The following PLEKHA2 variants were observed in gnomAD, a reference collection of about 807,000 sequenced individuals.
PLEKHA2 encodes the protein pleckstrin homology domain containing A2.
In PLEKHA2, 28 loss-of-function variants were observed where a neutral mutation model predicts 53.2. The ratio of observed to expected loss-of-function variants is 0.53; its 90% CI spans 0.39 to 0.72. The LOEUF (loss-of-function observed/expected upper bound fraction) is 0.72. Ranked by LOEUF, PLEKHA2 falls within the 30% of genes least tolerant of loss-of-function variation. The pLI is 0.00. For missense variants in PLEKHA2, 426 were observed against 537.9 expected, an observed-to-expected ratio of 0.79 and a Z score of 2.06; for synonymous variants, 193 against 196.4, an observed-to-expected ratio of 0.98 and a Z score of 0.14.
At chr8:38,902,890 G>A (rs960174686) in intron 1 of PLEKHA2, among the ~76,000 whole-genome samples, 1 of 152,186 alleles carries the variant, frequency 6.6e-6, no homozygotes, top group Admixed American at 6.5e-5. Flanking sequence ...TGAGAAGCCA[G>A]AGTAAGCTTT....
At chr8:38,914,899 G>A (rs760168960) in intron 1 of PLEKHA2, among the ~76,000 whole-genome samples, 8 of 152,046 alleles carry the variant, frequency 5.3e-5, no homozygotes, top group East Asian at 1.9e-4. Context: ...TAGTGCTCAC[G>A]GGCTGGGACT....
intron 2 of PLEKHA2, among the ~76,000 whole-genome samples, chr8:38,934,396 C>G (rs1834453740): frequency 6.6e-6 from 1 of 152,012 alleles, no homozygotes; most frequent in Admixed American, 6.6e-5. Flanking sequence ...CCTTTTATTG[C>G]TTTGAGAGGA....
intron 2 of PLEKHA2, among the ~76,000 whole-genome samples, chr8:38,918,311 CCA>C (rs1236794817): frequency 1.5e-5 from 2 of 134,760 alleles, no homozygotes; most frequent in South Asian, 2.4e-4. Context: ...TACACACACA[CCA>C]CACACACACT....
At chr8:38,961,276 G>T (rs1319550797) in intron 10 of PLEKHA2, among the ~76,000 whole-genome samples, 1 of 152,154 alleles carries the variant, frequency 6.6e-6, no homozygotes, top group African/African-American at 2.4e-5. Context: ...GGTGGCTCAC[G>T]CCTGCAATCC....
At position 38,973,896 on chromosome 8, in the gene PLEKHA2, C is replaced by A; in HGVS notation, c.*4113C>A. 1 of 289,068 alleles carries A rather than the reference C, an allele frequency of 3.5e-6. No homozygotes were observed. The highest frequency in any genetic ancestry group is 6.4e-6 in the Non-Finnish European group (1 of 155,436). The allele number at this position is 289,068 out of a possible 1,614,324, so 17.9% of individuals were successfully genotyped here. A position where few individuals can be genotyped will look rare whatever the true frequency, so the allele number is the denominator to read the frequency against. On this transcript the variant is annotated 3_prime_UTR_variant, in exon 12 of 12. Coordinates refer to ENST00000617275, the MANE Select transcript of PLEKHA2 (RefSeq NM_021623.2). The stretch of plus-strand genomic sequence containing the variant: ...TTTGTGGCTTGTTTTGTAATAAAAC[C>A]ATGTGAAATACTGAAATATGGTCAT...
intron 9 of PLEKHA2, among the ~76,000 whole-genome samples, chr8:38,956,699 G>A (rs1195870052): frequency 6.6e-6 from 1 of 152,054 alleles, no homozygotes; most frequent in Non-Finnish European, 1.5e-5. Context: ...AGCCATGATT[G>A]TACCACTGTA....
In PLEKHA2 at chr8:38,969,762, C is replaced by G. The variant is rs1274180021; in HGVS notation, c.1257C>G (p.Asn419Lys). 2 of 1,297,714 alleles carry G rather than the reference C, an allele frequency of 1.5e-6. No individual in the cohort carries two copies. Among genetic ancestry groups the G allele is most frequent in the East Asian group, 1.2e-4 (2 of 17,128 alleles). The allele number at this position is 1,297,714 out of a possible 1,614,324, so 80.4% of individuals were successfully genotyped here. Residue 419 changes from asparagine to lysine, a missense_variant, in exon 12 of 12, where the codon AAC becomes AAG. Asn to Lys is a moderately conservative substitution (Grantham distance 94). Coordinates refer to ENST00000617275, the MANE Select transcript of PLEKHA2 (RefSeq NM_021623.2). ...TTATGTTCAACCTTGATGATGAAAA[C>G]ATACGGACCTCTGATGTGTGATGGA... ...KPFMFNLDDE[N>K]IRTSDV
At chr8:38,938,338 C>T (rs756087647) in intron 3 of PLEKHA2, among the ~76,000 whole-genome samples, 29 of 152,214 alleles carry the variant, frequency 1.9e-4, no homozygotes, top group Non-Finnish European at 2.8e-4. Context: ...GGTCCAGAGA[C>T]CCCCATCCCA....
At position 38,928,913 on chromosome 8, in the gene PLEKHA2, C is replaced by G. The variant is rs114160296; in HGVS notation, c.142-7081C>G. On this transcript the variant is annotated intron_variant, in intron 2 of 11. Transcript: ENST00000617275. ...GCAGGTAGAGCCACGGCCCAGGTCA[C>G]CTGGTGCCTGGGATTCGCTTGGCTC... 5.3e-3 allele frequency among the ~76,000 whole-genome samples: 811 copies of G among 152,264 alleles called. 7 individuals carry two copies. Among genetic ancestry groups the G allele is most frequent in the African/African-American group, 0.019 (777 of 41,554 alleles).
At chr8:38,934,702 C>T (rs1834459894) in intron 2 of PLEKHA2, among the ~76,000 whole-genome samples, 1 of 152,152 alleles carries the variant, frequency 6.6e-6, no homozygotes, top group Admixed American at 6.6e-5. Context: ...AGTGCCAGAC[C>T]TGGTGCCTGT....
rs756189937 is a variant in PLEKHA2, at chr8:38,951,008, G to A, written c.486+18G>A. 1.2e-6 allele frequency: 2 copies of A among 1,610,824 alleles called. No homozygotes were observed. The highest frequency in any genetic ancestry group is 2.2e-5 in the South Asian group (2 of 90,618). On this transcript the variant is annotated intron_variant, in intron 6 of 11. Transcript: ENST00000617275. ...TCAGCCAGGTGAGGGGCCTGACTGGGGCTGCGGGGGGAGTGGGGGTGTGGA... is the reference window on the plus strand; with the variant it reads ...TCAGCCAGGTGAGGGGCCTGACTGGAGCTGCGGGGGGAGTGGGGGTGTGGA...
At chr8:38,905,294 C>CA (rs1240069912) in intron 1 of PLEKHA2, among the ~76,000 whole-genome samples, 1 of 151,838 alleles carries the variant, frequency 6.6e-6, no homozygotes, top group Non-Finnish European at 1.5e-5. Flanking sequence ...CCCATCTCTA[C>CA]AAAAAATTGA....
intron 2 of PLEKHA2, among the ~76,000 whole-genome samples, chr8:38,926,608 A>G (rs1325549644): frequency 6.6e-6 from 1 of 152,186 alleles, no homozygotes; most frequent in African/African-American, 2.4e-5. Flanking sequence ...TATCTTTATA[A>G]CAGGATGTAC....
intron 10 of PLEKHA2, among the ~76,000 whole-genome samples, chr8:38,964,356 C>T (rs918293588): frequency 6.6e-6 from 1 of 152,166 alleles, no homozygotes; most frequent in Non-Finnish European, 1.5e-5. Context: ...ACATTATCGC[C>T]TGAGTTCCAC....
At chr8:38,931,953 G>C (rs1451621338) in intron 2 of PLEKHA2, among the ~76,000 whole-genome samples, 1 of 152,088 alleles carries the variant, frequency 6.6e-6, no homozygotes, top group East Asian at 1.9e-4. Context: ...TTCTGGTGGG[G>C]GGAAGCTTGA....
At chr8:38,920,797 CT>C (rs76430009) in intron 2 of PLEKHA2, among the ~76,000 whole-genome samples, 227 of 145,266 alleles carry the variant, frequency 1.6e-3, no homozygotes, top group Admixed American at 3.3e-3. Flanking sequence ...CTCCTGGTTT[CT>C]TTTTTTTTTT....
chr8:38,968,752 G>A (rs1292545997), intron 11 of PLEKHA2, 83 bp downstream of exon 11: 5 of 1,454,252 alleles, frequency 3.4e-6, no homozygotes, highest in Non-Finnish European at 4.8e-6. Flanking sequence ...GGTGATGTAG[G>A]CAAGCAGCCT....
intron 1 of PLEKHA2, 124 bp from the exon 2 acceptor site, chr8:38,917,783 T>G: frequency 9.0e-7 from 1 of 1,106,588 alleles, no homozygotes; most frequent in Non-Finnish European, 1.3e-6. Context: ...GGATGGAACA[T>G]TTGGTGCCCC....
intron 10 of PLEKHA2, among the ~76,000 whole-genome samples, chr8:38,962,935 CTG>C (rs1349877423): frequency 6.6e-6 from 1 of 152,180 alleles, no homozygotes; most frequent in Non-Finnish European, 1.5e-5. Context: ...TGTGGCAGGG[CTG>C]TGTCTAGAGA....
Sources: gnomAD v4.1 joint callset for allele counts (sites outside exome capture counted in the v4.1 genomes callset) on GRCh38, gnomAD v4.1.1 for gene constraint, MANE v1.5 for transcripts, NCBI Gene and HGNC (gene_info 2026-07-23, HGNC 2026-07-21) for gene names.